Variants in SPAG9 observed in about 807,000 individuals in gnomAD.
SPAG9 encodes the protein sperm associated antigen 9.
In SPAG9, 35 loss-of-function variants were observed where a neutral mutation model predicts 166.5. The observed-to-expected ratio is 0.21, with a 90% CI of 0.16 to 0.28. SPAG9 has a LOEUF of 0.28. SPAG9 is among the 10% of genes least tolerant of loss of function. The probability of loss-of-function intolerance (pLI) is 1.00; values close to 1 mark genes in which losing one functional copy is unlikely to be tolerated. For synonymous variants in SPAG9, 534 were observed against 565.5 expected, an observed-to-expected ratio of 0.94 and a Z score of 0.79; for missense variants, 1,235 against 1,603.3, an observed-to-expected ratio of 0.77 and a Z score of 3.92.
At chr17:50,994,379 C>T (rs188642867) in intron 18 of SPAG9, among the ~76,000 whole-genome samples, 11 of 152,216 alleles carry the variant, frequency 7.2e-5, no homozygotes, top group Admixed American at 6.5e-4. Flanking sequence ...TTTTTCCTTC[C>T]CAGTCTCGGG....
intron 2 of SPAG9, among the ~76,000 whole-genome samples, chr17:51,074,954 T>C (rs1285321951): frequency 4.6e-5 from 7 of 151,792 alleles, no homozygotes; most frequent in African/African-American, 1.5e-4. Context: ...CCCAGCACTT[T>C]GGGAGGCTGA....
chr17:51,017,822 T>C (rs1289239016), intron 8 of SPAG9, among the ~76,000 whole-genome samples: 2 of 152,178 alleles, frequency 1.3e-5, no homozygotes, highest in Non-Finnish European at 2.9e-5. Flanking sequence ...AAAGCTGTTT[T>C]ATAAATGAGA....
At chr17:51,019,744 AG>A (rs1176043065) in intron 8 of SPAG9, among the ~76,000 whole-genome samples, 1 of 151,638 alleles carries the variant, frequency 6.6e-6, no homozygotes, top group Admixed American at 6.6e-5. Context: ...CCCAGCAACT[AG>A]GGAGGCTGAG....
At chr17:51,104,164 T>C (rs1438887436) in intron 1 of SPAG9, among the ~76,000 whole-genome samples, 6 of 152,104 alleles carry the variant, frequency 3.9e-5, no homozygotes, top group Admixed American at 2.6e-4. Flanking sequence ...AAGTTCAGTT[T>C]TGGACACGCT....
chr17:50,992,707 G>C (rs1007736463), intron 19 of SPAG9, among the ~76,000 whole-genome samples: 1 of 152,068 alleles, frequency 6.6e-6, no homozygotes, highest in Non-Finnish European at 1.5e-5. Context: ...AATGTGTTAA[G>C]AGGGTAGATC....
chr17:51,012,061 G>C (rs1408595635), intron 9 of SPAG9, among the ~76,000 whole-genome samples: 1 of 152,062 alleles, frequency 6.6e-6, no homozygotes, highest in African/African-American at 2.4e-5. Context: ...CAGCATAAAG[G>C]AATTTTGTGG....
chr17:51,089,620 TTATA>T (rs746370783), intron 1 of SPAG9, among the ~76,000 whole-genome samples: 507 of 40,432 alleles, frequency 0.013, 3 homozygotes, highest in East Asian at 0.062. Flanking sequence ...ACACTTTATT[TTATA>T]TATATATATA....
chr17:51,109,960 C>G (rs2049060879), intron 1 of SPAG9, among the ~76,000 whole-genome samples: 1 of 152,106 alleles, frequency 6.6e-6, no homozygotes, highest in Non-Finnish European at 1.5e-5. Flanking sequence ...GTTCCGCCCA[C>G]CTCAGCCTCC....
In SPAG9 at chr17:50,991,910, C is replaced by T. The variant is rs533358690; in HGVS notation, c.2399-1242G>A. Among the ~76,000 whole-genome samples the T allele has an allele frequency of 2.8e-4, 42 of 148,516 alleles. No individual in the cohort carries two copies. In the East Asian group the frequency reaches 7.7e-3, roughly 27 times the overall value. ...AAGTGTCTGGATTACAGGTGTAAGC[C>T]ACCATGCCAGGTCTTTTTTTTTTTT... On this transcript the variant is annotated intron_variant, in intron 19 of 29. Coordinates refer to ENST00000262013, the MANE Select transcript of SPAG9 (RefSeq NM_001130528.3).
rs2044775406 is a variant in SPAG9, at chr17:50,998,455, G to A, written c.1827C>T (p.Phe609=). The change falls in exon 15 of 30, where the codon TTC becomes TTT. Residue 609 remains phenylalanine, a synonymous_variant. Transcript: ENST00000262013. ...TGGAAAAGACTTACTCTTCACTAAG[G>A]AAATCAAAGGCTTTGGACTTATCCC... ...LPGDKSKAFD[F]LSEETEASLA... 6.2e-7 allele frequency: 1 copy of A among 1,612,948 alleles called. No homozygotes were observed. The highest frequency in any genetic ancestry group is 8.5e-7 in the Non-Finnish European group (1 of 1,179,612).
At chr17:51,018,798 G>A (rs1037356799) in intron 8 of SPAG9, among the ~76,000 whole-genome samples, 3 of 152,216 alleles carry the variant, frequency 2.0e-5, no homozygotes, top group South Asian at 2.1e-4. Flanking sequence ...CATAGCCAAC[G>A]GTGTGTTTCA....
chr17:50,973,011 G>C (rs996803023), intron 28 of SPAG9, among the ~76,000 whole-genome samples: 1 of 152,138 alleles, frequency 6.6e-6, no homozygotes, highest in African/African-American at 2.4e-5. Context: ...AAAAAGAAAG[G>C]GGAGAAGCCT....
At chr17:50,989,172 T>C (rs941328691) in intron 21 of SPAG9, among the ~76,000 whole-genome samples, 1 of 152,230 alleles carries the variant, frequency 6.6e-6, no homozygotes, top group Non-Finnish European at 1.5e-5. Context: ...TTCCACAAGA[T>C]TATACTACTA....
chr17:51,113,528 A>C (rs2049186823), intron 1 of SPAG9, among the ~76,000 whole-genome samples: 1 of 151,022 alleles, frequency 6.6e-6, no homozygotes, highest in Admixed American at 6.6e-5. Flanking sequence ...AAAAATACAA[A>C]AGTTAGCGAG....
At chr17:51,020,131 A>C (rs2045883991) in intron 8 of SPAG9, 28 bp downstream of exon 8, 1 of 1,414,460 alleles carries the variant, frequency 7.1e-7, no homozygotes. Flanking sequence ...GGGGCGCAGA[A>C]TATGTCTTCA....
chr17:51,089,663 T>TACATACACACAC (rs2048411582), intron 1 of SPAG9, among the ~76,000 whole-genome samples: 1 of 78,310 alleles, frequency 1.3e-5, no homozygotes, highest in African/African-American at 4.4e-5. Context: ...TATATATATA[T>TACATACACACAC]ACACATACAC....
chr17:51,064,354 A>G (rs1310617666), intron 2 of SPAG9, among the ~76,000 whole-genome samples: 1 of 152,226 alleles, frequency 6.6e-6, no homozygotes, highest in African/African-American at 2.4e-5. Context: ...CCCAAGGAAT[A>G]TCTTCCCAAA....
At chr17:50,979,320 C>T (rs978652706) in intron 26 of SPAG9, among the ~76,000 whole-genome samples, 57 of 142,618 alleles carry the variant, frequency 4.0e-4, no homozygotes, top group African/African-American at 1.3e-3. Flanking sequence ...TGCAGTGAGC[C>T]GTGATGGTGC....
chr17:51,051,655 G>A (rs1396434294), intron 3 of SPAG9, among the ~76,000 whole-genome samples: 1 of 152,072 alleles, frequency 6.6e-6, no homozygotes, highest in Admixed American at 6.5e-5. Flanking sequence ...TGGAGGCGGA[G>A]GTTGCAGTGG....
Sources: gnomAD v4.1 joint callset for allele counts (sites outside exome capture counted in the v4.1 genomes callset) on GRCh38, gnomAD v4.1.1 for gene constraint, MANE v1.5 for transcripts, NCBI Gene and HGNC (gene_info 2026-07-23, HGNC 2026-07-21) for gene names.